FAM222B: variants seen among roughly 807,000 people sequenced by gnomAD.
The protein encoded by FAM222B is protein FAM222B.
Under a neutral mutation model 38.0 loss-of-function variants are expected in FAM222B, and 12 were observed. The observed-to-expected ratio is 0.32, with a 90% CI of 0.20 to 0.51. The LOEUF (loss-of-function observed/expected upper bound fraction) is 0.51. FAM222B is among the 20% of genes least tolerant of loss of function. FAM222B has a pLI of 0.97. For synonymous variants in FAM222B, 329 were observed against 317.2 expected (o/e 1.04, Z -0.40); for missense variants, 716 against 754.2 (o/e 0.95, Z 0.59).
chr17:28,819,312 T>C (rs548524474), intron 1 of FAM222B, among the ~76,000 whole-genome samples: 1 of 152,298 alleles, frequency 6.6e-6, no homozygotes, highest in Non-Finnish European at 1.5e-5. Context: ...AGAACTCTTA[T>C]AACTAAATAA....
intron 1 of FAM222B, among the ~76,000 whole-genome samples, chr17:28,822,930 C>T (rs565806703): frequency 3.0e-5 from 4 of 134,240 alleles, no homozygotes; most frequent in East Asian, 2.2e-4. Flanking sequence ...TGCTTCCATG[C>T]GCAGGTAGTC....
At chr17:28,778,361 C>G (rs1187992052) in intron 1 of FAM222B, among the ~76,000 whole-genome samples, 1 of 151,808 alleles carries the variant, frequency 6.6e-6, no homozygotes, top group Non-Finnish European at 1.5e-5. Flanking sequence ...GTTTTCTGTT[C>G]CTGTGTTAGT....
chr17:28,802,637 G>A, intron 1 of FAM222B: 1 of 175,700 alleles, frequency 5.7e-6, no homozygotes. Context: ...TGCACACATT[G>A]ATAGCAGGCT....
At chr17:28,764,611 G>A (rs1045021766) in intron 2 of FAM222B, among the ~76,000 whole-genome samples, 1 of 151,838 alleles carries the variant, frequency 6.6e-6, no homozygotes, top group African/African-American at 2.4e-5. Flanking sequence ...AGCTGGGCGT[G>A]GTGGTGCATG....
chr17:28,824,510 G>A (rs1215005323), intron 1 of FAM222B, among the ~76,000 whole-genome samples: 1 of 151,986 alleles, frequency 6.6e-6, no homozygotes, highest in African/African-American at 2.4e-5. Flanking sequence ...TATTCTGCTA[G>A]TCTTACCCAT....
intron 1 of FAM222B, among the ~76,000 whole-genome samples, chr17:28,813,702 ATTT>A: frequency 7.4e-6 from 1 of 135,334 alleles, no homozygotes; most frequent in Non-Finnish European, 1.6e-5. Context: ...CGCCCAGCTA[ATTT>A]TTTTTTTTTT....
chr17:28,833,097 C>T (rs1388438286), intron 1 of FAM222B, among the ~76,000 whole-genome samples: 3 of 149,052 alleles, frequency 2.0e-5, no homozygotes, highest in Non-Finnish European at 3.0e-5. Context: ...CTGAGGCAGG[C>T]GGATAACAAG....
intron 1 of FAM222B, among the ~76,000 whole-genome samples, chr17:28,822,501 T>A (rs2038262024): frequency 6.6e-6 from 1 of 151,236 alleles, no homozygotes; most frequent in South Asian, 2.1e-4. Context: ...GGCATAAGCC[T>A]GTAATCCCAG....
chr17:28,773,662 G>A (rs1483232417), intron 1 of FAM222B, among the ~76,000 whole-genome samples: 2 of 152,002 alleles, frequency 1.3e-5, no homozygotes, highest in Non-Finnish European at 2.9e-5. Context: ...GCCGGGCATG[G>A]TGGCATGTGC....
intron 1 of FAM222B, among the ~76,000 whole-genome samples, chr17:28,806,010 C>G (rs1034656283): frequency 1.3e-5 from 2 of 151,880 alleles, no homozygotes; most frequent in Admixed American, 6.6e-5. Flanking sequence ...GCACATGGTG[C>G]ATGTGGTGGC....
intron 1 of FAM222B, chr17:28,777,155 G>A (rs891191882): frequency 6.6e-6 from 1 of 152,116 alleles, no homozygotes; most frequent in African/African-American, 2.4e-5. Context: ...CTAGGCTAGA[G>A]GAAACAGCAA....
At position 28,758,079 on chromosome 17, in the gene FAM222B, C is replaced by T; in HGVS notation, c.*191G>A. On this transcript the variant is annotated 3_prime_UTR_variant, in exon 3 of 3. Transcript: ENST00000581407. The stretch of plus-strand genomic sequence containing the variant: ...CTTAGGGTTAGGTTCTAACATAAAA[C>T]CAAAAGTTGCTGGAGGGGAGGACGA... 1.9e-6 allele frequency: 1 copy of T among 537,566 alleles called. No homozygotes were observed. Among genetic ancestry groups the T allele is most frequent in the Non-Finnish European group, 3.2e-6 (1 of 312,858 alleles). 33.3% of individuals were successfully genotyped at this position (537,566 alleles called of 1,614,324 possible).
At chr17:28,780,099 GTAGGTGGGACTA>G (rs2036100815) in intron 1 of FAM222B, among the ~76,000 whole-genome samples, 1 of 151,904 alleles carries the variant, frequency 6.6e-6, no homozygotes, top group Non-Finnish European at 1.5e-5. Context: ...AGCCTCCTGG[GTAGGTGGGACTA>G]TAGGTGCATG....
intron 1 of FAM222B, among the ~76,000 whole-genome samples, chr17:28,775,787 A>G (rs2035860368): frequency 6.6e-6 from 1 of 151,678 alleles, no homozygotes. Flanking sequence ...AGGCTGAAGC[A>G]GGAGAATCAC....
chr17:28,809,184 C>G (rs908157725), intron 1 of FAM222B, among the ~76,000 whole-genome samples: 1 of 152,102 alleles, frequency 6.6e-6, no homozygotes, highest in African/African-American at 2.4e-5. Context: ...AACCCTGTCT[C>G]TACTGAAAAT....
chr17:28,854,327 C>T (rs965619486), intron 1 of FAM222B, among the ~76,000 whole-genome samples: 14 of 152,168 alleles, frequency 9.2e-5, no homozygotes, highest in African/African-American at 3.4e-4. Flanking sequence ...TGAGTTTCTC[C>T]GGCTGCTAGA....
chr17:28,761,880 T>A (rs1482858278), intron 2 of FAM222B: 3 of 152,158 alleles, frequency 2.0e-5, no homozygotes, highest in Non-Finnish European at 4.4e-5. Context: ...ATGTGTCTTA[T>A]TGGTCATAAT....
chr17:28,759,099 A>G lies in FAM222B; in HGVS notation c.860T>C (p.Val287Ala). ...QTRAGISTTS[V>A]CEGQIANPSP... is the part of the protein sequence containing the mutation. ...GGGGTTGGCGATCTGGCCCTCACAC[A>G]CTGAGGTAGTGCTGATGCCTGCCCT... Residue 287 changes from valine to alanine, a missense_variant, in exon 3 of 3, where the codon GTG (valine) becomes GCG (alanine). Coordinates refer to ENST00000581407, the MANE Select transcript of FAM222B (RefSeq NM_001077498.3). The surrounding 1 kb of genome is among the most constrained non-coding windows in gnomAD (Gnocchi z 4.8). 6.2e-7 allele frequency: 1 copy of G among 1,611,708 alleles called. No homozygotes were observed. The highest frequency in any genetic ancestry group is 8.5e-7 in the Non-Finnish European group (1 of 1,179,006).
intron 1 of FAM222B, among the ~76,000 whole-genome samples, chr17:28,852,093 C>T (rs966436350): frequency 1.3e-5 from 2 of 151,386 alleles, no homozygotes; most frequent in East Asian, 2.0e-4. Context: ...CGTGGCCTGG[C>T]GCGGTGGCTC....
Sources: allele counts gnomAD v4.1 joint callset (sites outside exome capture counted in the v4.1 genomes callset), GRCh38; gene constraint gnomAD v4.1.1; non-coding constraint Gnocchi (gnomAD v3.1); transcripts MANE v1.5; gene names NCBI Gene and HGNC (gene_info 2026-07-23, HGNC 2026-07-21).